SPOCK3: variants seen among roughly 807,000 people sequenced by gnomAD.
SPOCK3 encodes the protein SPARC (osteonectin), cwcv and kazal like domains proteoglycan 3.
A neutral mutation model predicts 56.6 loss-of-function variants in SPOCK3; 30 were observed. That is an observed-to-expected ratio of 0.53 (90% CI 0.40 to 0.72). SPOCK3 has a LOEUF of 0.72. Ranked by LOEUF, SPOCK3 falls within the 30% of genes least tolerant of loss-of-function variation. SPOCK3 has a pLI of 0.00. For missense variants in SPOCK3, 527 were observed against 530.0 expected (o/e 0.99, Z 0.06); for synonymous variants, 196 against 183.3 (o/e 1.07, Z -0.56).
chr4:166,832,981 A>G lies in SPOCK3; in HGVS notation c.590-40692T>C, dbSNP rs530347041. Among the ~76,000 whole-genome samples the G allele has an allele frequency of 2.6e-5, 4 of 152,268 alleles. No homozygotes were observed. In the South Asian group the frequency reaches 8.3e-4, roughly 32 times the overall value. ...ACTCACTACCTGGGTGTCAGGATTG[A>G]TTGTACCAAATACCTCAGCATCATG... On this transcript the variant is annotated intron_variant, in intron 6 of 10. Transcript: ENST00000357545.
intron 4 of SPOCK3, among the ~76,000 whole-genome samples, chr4:166,956,670 G>C (rs145168709): frequency 1.2e-3 from 181 of 152,080 alleles, no homozygotes; most frequent in African/African-American, 3.9e-3. Flanking sequence ...ATAGGTAAGG[G>C]GAGAGTACCG....
chr4:166,833,178 T>C (rs891924229), intron 6 of SPOCK3, among the ~76,000 whole-genome samples: 1 of 152,124 alleles, frequency 6.6e-6, no homozygotes, highest in Non-Finnish European at 1.5e-5. Flanking sequence ...TTCCAAATAT[T>C]TAATAATTTT....
At chr4:166,914,656 G>A (rs773934862) in intron 4 of SPOCK3, among the ~76,000 whole-genome samples, 2 of 152,010 alleles carry the variant, frequency 1.3e-5, no homozygotes, top group Non-Finnish European at 1.5e-5. Flanking sequence ...CATAATCCCC[G>A]CTACTCAGGA....
chr4:167,175,337 T>G (rs374628441), intron 2 of SPOCK3, among the ~76,000 whole-genome samples: 3 of 152,168 alleles, frequency 2.0e-5, no homozygotes, highest in East Asian at 1.9e-4. Flanking sequence ...AAGAATCACC[T>G]TTGTCAAATC....
At chr4:166,776,693 A>T (rs150003352) in intron 7 of SPOCK3, among the ~76,000 whole-genome samples, 2 of 152,292 alleles carry the variant, frequency 1.3e-5, no homozygotes, top group East Asian at 3.9e-4. Context: ...TCACTCAAGG[A>T]CTAAGTTAAG....
At chr4:166,970,238 G>A (rs533070264) in intron 4 of SPOCK3, among the ~76,000 whole-genome samples, 1 of 152,030 alleles carries the variant, frequency 6.6e-6, no homozygotes, top group African/African-American at 2.4e-5. Context: ...TTCTTTTTTG[G>A]TCATTTATTA....
rs114483715 is a variant in SPOCK3, at chr4:167,173,971, C to T, written c.189+60014G>A. ...CCAGACATTCCAGGCAGAGGAATAGCTAGAGCAAAGGTAACATGCAACATA... is the reference window on the plus strand; with the variant it reads ...CCAGACATTCCAGGCAGAGGAATAGTTAGAGCAAAGGTAACATGCAACATA... On this transcript the variant is annotated intron_variant, in intron 2 of 10. Coordinates refer to ENST00000357545, the MANE Select transcript of SPOCK3 (RefSeq NM_001040159.2). Among the ~76,000 whole-genome samples, 915 of 152,212 alleles carry T rather than the reference C, an allele frequency of 6.0e-3. 8 individuals are homozygous for T. The highest frequency in any genetic ancestry group is 8.3e-3 in the Non-Finnish European group (566 of 68,000).
At chr4:167,108,140 A>G (rs1187988154) in intron 2 of SPOCK3, among the ~76,000 whole-genome samples, 1 of 151,906 alleles carries the variant, frequency 6.6e-6, no homozygotes, top group Non-Finnish European at 1.5e-5. Flanking sequence ...CTTTTATCCA[A>G]AAGATAGGTA....
At chr4:166,881,907 G>A (rs1733722357) in intron 6 of SPOCK3, among the ~76,000 whole-genome samples, 1 of 152,038 alleles carries the variant, frequency 6.6e-6, no homozygotes, top group South Asian at 2.1e-4. Context: ...TACTAGAAGT[G>A]GAATAGCAAA....
intron 4 of SPOCK3, among the ~76,000 whole-genome samples, chr4:166,953,508 AT>A (rs1742970575): frequency 6.6e-6 from 1 of 151,948 alleles, no homozygotes; most frequent in Admixed American, 6.6e-5. Flanking sequence ...TAGTTCAACC[AT>A]TGTGGAAGTC....
chr4:167,034,766 T>G (rs546026210), intron 3 of SPOCK3, among the ~76,000 whole-genome samples: 2 of 152,288 alleles, frequency 1.3e-5, no homozygotes, highest in South Asian at 4.1e-4. Flanking sequence ...CAATGTTAAA[T>G]TCATTTGAAA....
intron 2 of SPOCK3, among the ~76,000 whole-genome samples, chr4:167,154,317 G>C (rs1452021999): frequency 6.6e-6 from 1 of 151,978 alleles, no homozygotes; most frequent in East Asian, 1.9e-4. Context: ...AAAAGGGTTT[G>C]AGCAGCTCAA....
At chr4:166,839,625 G>A (rs1747022338) in intron 6 of SPOCK3, among the ~76,000 whole-genome samples, 1 of 152,010 alleles carries the variant, frequency 6.6e-6, no homozygotes, top group Non-Finnish European at 1.5e-5. Context: ...GAAAAACTAG[G>A]GAAAATCTCT....
intron 2 of SPOCK3, among the ~76,000 whole-genome samples, chr4:167,205,783 G>A (rs946482771): frequency 2.0e-5 from 3 of 147,590 alleles, no homozygotes; most frequent in Non-Finnish European, 4.4e-5. Flanking sequence ...GCTAATTTAT[G>A]CATTTTTAGT....
At chr4:166,737,185 G>C (rs1388420441) in intron 10 of SPOCK3, among the ~76,000 whole-genome samples, 1 of 152,084 alleles carries the variant, frequency 6.6e-6, no homozygotes, top group African/African-American at 2.4e-5. Flanking sequence ...TTAGCTGAGA[G>C]GAAAAGAAGT....
At chr4:167,125,692 G>A (rs2150371671) in intron 2 of SPOCK3, among the ~76,000 whole-genome samples, 1 of 152,212 alleles carries the variant, frequency 6.6e-6, no homozygotes, top group South Asian at 2.1e-4. Flanking sequence ...TCCAGCCCCG[G>A]CAGCAGAGGG....
chr4:167,046,133 G>T (rs907179435), intron 3 of SPOCK3, among the ~76,000 whole-genome samples: 1 of 151,812 alleles, frequency 6.6e-6, no homozygotes, highest in Non-Finnish European at 1.5e-5. Flanking sequence ...TTGATTTTTT[G>T]ACTCTTTTTG....
At chr4:166,955,906 T>C (rs1466681333) in intron 4 of SPOCK3, among the ~76,000 whole-genome samples, 1 of 151,932 alleles carries the variant, frequency 6.6e-6, no homozygotes, top group African/African-American at 2.4e-5. Context: ...CATTTTTGAA[T>C]CTCACATCAT....
At chr4:167,075,853 C>G (rs1226136213) in intron 2 of SPOCK3, among the ~76,000 whole-genome samples, 2 of 151,844 alleles carry the variant, frequency 1.3e-5, no homozygotes, top group Non-Finnish European at 2.9e-5. Flanking sequence ...TATATGTGTT[C>G]TTCTCTCTTA....
Sources: gnomAD v4.1 joint callset for allele counts (sites outside exome capture counted in the v4.1 genomes callset) on GRCh38, gnomAD v4.1.1 for gene constraint, MANE v1.5 for transcripts, NCBI Gene and HGNC (gene_info 2026-07-23, HGNC 2026-07-21) for gene names.